Variants in CTNNBL1 observed in about 807,000 individuals in gnomAD.
CTNNBL1 encodes the protein catenin beta like 1, also known as beta-catenin-like protein 1.
A neutral mutation model predicts 72.7 loss-of-function variants in CTNNBL1; 31 were observed. That is an observed-to-expected ratio of 0.43 (90% CI 0.32 to 0.58). The LOEUF is 0.58. CTNNBL1 is among the 20% of genes least tolerant of loss of function. The pLI is 0.08. For synonymous variants in CTNNBL1, 240 were observed against 267.3 expected (o/e 0.90, Z 1.00); for missense variants, 534 against 725.1 (o/e 0.74, Z 3.03).
At chr20:37,797,535 GACTCTTTCAA>G (rs2073788347) in intron 10 of CTNNBL1, among the ~76,000 whole-genome samples, 1 of 151,818 alleles carries the variant, frequency 6.6e-6, no homozygotes, top group South Asian at 2.1e-4. Context: ...TAGATTTGAT[GACTCTTTCAA>G]AATTTTCCCT....
intron 7 of CTNNBL1, among the ~76,000 whole-genome samples, chr20:37,769,284 A>C (rs763321245): frequency 5.9e-5 from 9 of 152,238 alleles, no homozygotes; most frequent in Non-Finnish European, 1.3e-4. Context: ...TTGATAGGCC[A>C]AAGGCTATGC....
chr20:37,753,548 T>G (rs1238675321), intron 4 of CTNNBL1, among the ~76,000 whole-genome samples: 3 of 152,200 alleles, frequency 2.0e-5, no homozygotes, highest in African/African-American at 7.2e-5. Flanking sequence ...AGCTGAAATA[T>G]GAAATTAGGT....
chr20:37,848,828 A>T (rs1425474811), intron 13 of CTNNBL1, among the ~76,000 whole-genome samples: 1 of 152,104 alleles, frequency 6.6e-6, no homozygotes, highest in Non-Finnish European at 1.5e-5. Context: ...TGGTTGCAAG[A>T]TCTGATGAGA....
At chr20:37,754,007 T>C (rs376712472) in intron 4 of CTNNBL1, among the ~76,000 whole-genome samples, 6 of 152,306 alleles carry the variant, frequency 3.9e-5, no homozygotes, top group African/African-American at 1.4e-4. Context: ...TGGTGATAAT[T>C]TTGGGACCAT....
intron 3 of CTNNBL1, among the ~76,000 whole-genome samples, chr20:37,738,945 G>A (rs1445371907): frequency 6.6e-6 from 1 of 152,178 alleles, no homozygotes; most frequent in Admixed American, 6.5e-5. Context: ...GGCAGAGTGG[G>A]GAGAATGTGG....
Position 37,777,674 on chromosome 20 carries a change from G to C in CTNNBL1, c.844G>C (p.Glu282Gln). Residue 282 changes from glutamate to glutamine, a missense_variant, in exon 9 of 16, where the codon GAG becomes CAG. By Grantham distance (29) the Glu-to-Gln change is conservative. Transcript: ENST00000361383. The part of the protein sequence containing the change: ...DNDENRELLG[E>Q]LDGIDVLLQQ... ...TTTAGAAAACAGGGAATTGCTTGGG[G>C]AGCTGGATGGAATCGATGTGCTTCT... The C allele has an allele frequency of 6.2e-7, 1 of 1,613,764 alleles. No homozygotes were observed. Among genetic ancestry groups the C allele is most frequent in the Non-Finnish European group, 8.5e-7 (1 of 1,179,752 alleles).
chr20:37,805,039 C>T (rs1393129156), intron 11 of CTNNBL1, among the ~76,000 whole-genome samples: 1 of 152,260 alleles, frequency 6.6e-6, no homozygotes, highest in Non-Finnish European at 1.5e-5. Context: ...TCCACTCCTG[C>T]CACCCCTGCC....
At chr20:37,736,311 T>C (rs918097581) in intron 2 of CTNNBL1, among the ~76,000 whole-genome samples, 37 of 152,178 alleles carry the variant, frequency 2.4e-4, no homozygotes. Flanking sequence ...TAGGTTGGAT[T>C]TGGCTCATGG....
chr20:37,755,341 T>C (rs559321273), intron 4 of CTNNBL1, among the ~76,000 whole-genome samples: 10 of 152,306 alleles, frequency 6.6e-5, no homozygotes, highest in Middle Eastern at 3.4e-3. Context: ...CCTGGTTATT[T>C]TTGCTGTTTT....
chr20:37,797,354 CTTTT>C (rs76016183), intron 10 of CTNNBL1, among the ~76,000 whole-genome samples: 1 of 103,944 alleles, frequency 9.6e-6, no homozygotes, highest in African/African-American at 3.4e-5. Context: ...CACCTTGTTG[CTTTT>C]TTTTTTTTTT....
chr20:37,765,149 G>C (rs1315435513), intron 5 of CTNNBL1, 48 bp from the exon 6 acceptor site: 1 of 1,306,776 alleles, frequency 7.7e-7, no homozygotes, highest in South Asian at 1.3e-5. Flanking sequence ...ACATTTTGGG[G>C]ACCATTTTAT....
At chr20:37,811,699 A>G (rs2072013141) in intron 11 of CTNNBL1, among the ~76,000 whole-genome samples, 2 of 152,248 alleles carry the variant, frequency 1.3e-5, no homozygotes, top group South Asian at 2.1e-4. Flanking sequence ...GCTGTTTGCC[A>G]TTGAAGAAGA....
At chr20:37,712,932 T>G (rs1366538396) in intron 1 of CTNNBL1, among the ~76,000 whole-genome samples, 1 of 152,196 alleles carries the variant, frequency 6.6e-6, no homozygotes, top group Admixed American at 6.5e-5. Context: ...TTTCAGCAAA[T>G]TTTTTAAAAA....
intron 4 of CTNNBL1, 30 bp from the exon 5 acceptor site, chr20:37,757,529 T>A: frequency 6.7e-7 from 1 of 1,492,136 alleles, no homozygotes; most frequent in Non-Finnish European, 9.3e-7. Context: ...ACCGTTTCAG[T>A]ATGTGTGTTA....
chr20:37,773,932 TG>T (rs1410843153), intron 7 of CTNNBL1, among the ~76,000 whole-genome samples: 7 of 146,830 alleles, frequency 4.8e-5, no homozygotes, highest in East Asian at 2.0e-4. Context: ...TTTTTTTTTT[TG>T]AGGCAGGGTC....
rs138223437 is a variant in CTNNBL1, at chr20:37,755,868, T to C, written c.467-1691T>C. Among the ~76,000 whole-genome samples, 6 of 152,336 alleles carry C rather than the reference T, an allele frequency of 3.9e-5. No individual in the cohort carries two copies. In the East Asian group the frequency reaches 5.8e-4, roughly 15 times the overall value. On this transcript the variant is annotated intron_variant, in intron 4 of 15. Coordinates refer to ENST00000361383, the MANE Select transcript of CTNNBL1 (RefSeq NM_030877.5). ...TGCTGTCCACATGGTGGCTCCTGTG[T>C]GCCACCCCCGTCCCTCATGCTCACC... is the stretch of plus-strand genomic sequence containing the variant.
intron 6 of CTNNBL1, among the ~76,000 whole-genome samples, chr20:37,765,692 C>A (rs2073460687): frequency 6.6e-6 from 1 of 152,106 alleles, no homozygotes; most frequent in Non-Finnish European, 1.5e-5. Context: ...AACTTTTGGA[C>A]CATTCTGTAC....
At chr20:37,736,573 C>T (rs2073173336) in intron 2 of CTNNBL1, among the ~76,000 whole-genome samples, 2 of 152,154 alleles carry the variant, frequency 1.3e-5, no homozygotes, top group East Asian at 1.9e-4. Context: ...CAGAGTCTCC[C>T]TCTCTCACCC....
At chr20:37,788,410 G>A (rs577207466) in intron 10 of CTNNBL1, among the ~76,000 whole-genome samples, 3 of 152,254 alleles carry the variant, frequency 2.0e-5, no homozygotes, top group South Asian at 2.1e-4. Context: ...TTGGCAAACC[G>A]TGTTCATAGA....
Sources: gnomAD v4.1 joint callset for allele counts (sites outside exome capture counted in the v4.1 genomes callset) on GRCh38, gnomAD v4.1.1 for gene constraint, MANE v1.5 for transcripts, NCBI Gene and HGNC (gene_info 2026-07-23, HGNC 2026-07-21) for gene names.